Variants in TNS1 observed in about 807,000 individuals in gnomAD.
The protein encoded by TNS1 is tensin 1, also known as tensin-1.
A neutral mutation model predicts 168.6 loss-of-function variants in TNS1; 62 were observed. That is an observed-to-expected ratio of 0.37 (90% CI 0.30 to 0.45). The LOEUF (loss-of-function observed/expected upper bound fraction) is 0.45, where lower values mean the gene tolerates loss of function less well. Among genes scored for constraint, TNS1 ranks in the 20% least tolerant of loss-of-function variants. TNS1 has a pLI of 1.00. For missense variants in TNS1, 2,240 were observed against 2,339.4 expected (o/e 0.96, Z 0.88); for synonymous variants, 934 against 933.2 (o/e 1.00, Z -0.02).
chr2:217,836,855 C>T (rs1263610652), intron 19 of TNS1, among the ~76,000 whole-genome samples: 1 of 152,074 alleles, frequency 6.6e-6, no homozygotes, highest in Admixed American at 6.5e-5. Context: ...CCAAAGATAG[C>T]GGCGGATCCC....
At chr2:217,836,355 C>G (rs1945177096) in intron 19 of TNS1, 144 bp from the exon 20 acceptor site, 1 of 789,162 alleles carries the variant, frequency 1.3e-6, no homozygotes, top group African/African-American at 1.7e-5. Flanking sequence ...GTCTTCCCCT[C>G]AGCCCTCCTG....
At chr2:217,849,535 G>T in intron 18 of TNS1, 1 of 516,336 alleles carries the variant, frequency 1.9e-6, no homozygotes, top group Non-Finnish European at 2.5e-6. Context: ...CACATGACAT[G>T]CTGAGACCAG....
At chr2:217,851,527 T>A (rs557225475) in intron 18 of TNS1, among the ~76,000 whole-genome samples, 1 of 152,050 alleles carries the variant, frequency 6.6e-6, no homozygotes, top group East Asian at 1.9e-4. Context: ...TCCACCCCTC[T>A]GCCCCCAGTT....
At chr2:218,013,900 C>T (rs1332562330), upstream of TNS1, among the ~76,000 whole-genome samples, 1 of 152,190 alleles carries the variant, frequency 6.6e-6, no homozygotes, top group Non-Finnish European at 1.5e-5. Flanking sequence ...TGTTTGCAGA[C>T]AGTGTCTTCT....
intron 4 of TNS1, among the ~76,000 whole-genome samples, chr2:217,908,088 T>C (rs1953923155): frequency 6.6e-6 from 1 of 152,186 alleles, no homozygotes. Context: ...TGATTCTTAT[T>C]CCACCTTCAT....
intron 3 of TNS1, among the ~76,000 whole-genome samples, chr2:217,946,969 T>TCACA (rs372012573): frequency 2.1e-3 from 255 of 118,840 alleles, no homozygotes; most frequent in East Asian, 0.012. Context: ...TCTCTCTCTC[T>TCACA]CACACACACA....
At chr2:217,806,711 C>A (rs1363832277) in intron 32 of TNS1, among the ~76,000 whole-genome samples, 1 of 152,234 alleles carries the variant, frequency 6.6e-6, no homozygotes, top group Non-Finnish European at 1.5e-5. Flanking sequence ...CCTAAGCTAC[C>A]ATCACTGACC....
chr2:217,805,573 ACC>A (rs1938668214), intron 32 of TNS1, among the ~76,000 whole-genome samples: 1 of 336 alleles, frequency 3.0e-3, no homozygotes. Context: ...CACCACACAC[ACC>A]ACACACACAA....
intron 3 of TNS1, among the ~76,000 whole-genome samples, chr2:217,931,432 G>T (rs1396508102): frequency 6.6e-6 from 1 of 152,224 alleles, no homozygotes; most frequent in Admixed American, 6.5e-5. Context: ...GCAGTGCTGA[G>T]GACCATGCCA....
chr2:217,853,437 T>A (rs989498221), intron 18 of TNS1, among the ~76,000 whole-genome samples: 1 of 152,038 alleles, frequency 6.6e-6, no homozygotes, highest in Non-Finnish European at 1.5e-5. Context: ...GGGGTCTGCA[T>A]GTTTGGGGGC....
At chr2:217,810,046 T>C in intron 29 of TNS1, 55 bp from the exon 30 acceptor site, 1 of 1,579,652 alleles carries the variant, frequency 6.3e-7, no homozygotes, top group Non-Finnish European at 8.7e-7. Context: ...GTGAGGACAT[T>C]AACCCAGATC....
chr2:217,979,082 G>C lies in TNS1; in HGVS notation c.149-280C>G, dbSNP rs111487412. On this transcript the variant is annotated intron_variant, in intron 2 of 32. Coordinates refer to ENST00000682258, the MANE Select transcript of TNS1 (RefSeq NM_001387777.1). ...GTGCGGGAAGGTGGGGGGAGCAAAG[G>C]GGGGGGTCCCCCACTGGACCCCTGC... is the stretch of plus-strand genomic sequence containing the variant. The C allele has an allele frequency of 7.6e-3, 3,354 of 443,946 alleles. 118 individuals are homozygous for C. Among genetic ancestry groups the C allele is most frequent in the African/African-American group, 0.064 (3,073 of 48,266 alleles). 27.5% of individuals were successfully genotyped at this position (443,946 alleles called of 1,614,324 possible). A position where few individuals can be genotyped will look rare whatever the true frequency, so the allele number is the denominator to read the frequency against.
At chr2:217,815,054 A>G (rs1941669149) in intron 24 of TNS1, 56 bp from the exon 25 acceptor site, 4 of 1,441,304 alleles carry the variant, frequency 2.8e-6, no homozygotes, top group Non-Finnish European at 3.9e-6. Context: ...CACCCAAAAC[A>G]TACATCAAAG....
intron 22 of TNS1, among the ~76,000 whole-genome samples, chr2:217,827,165 A>C (rs1016402973): frequency 6.6e-6 from 1 of 152,100 alleles, no homozygotes; most frequent in African/African-American, 2.4e-5. Flanking sequence ...GCCTTAACAC[A>C]TCCTTATATT....
chr2:218,030,176 C>T (rs929091788), intron 1 of TNS1, among the ~76,000 whole-genome samples: 2 of 152,142 alleles, frequency 1.3e-5, no homozygotes, highest in Non-Finnish European at 2.9e-5. Flanking sequence ...CTAGGGCTCC[C>T]GGGGAGCCAG....
chr2:217,960,298 G>A (rs1460839482), intron 3 of TNS1, among the ~76,000 whole-genome samples: 1 of 152,108 alleles, frequency 6.6e-6, no homozygotes, highest in Non-Finnish European at 1.5e-5. Flanking sequence ...TGAGGCTGGG[G>A]GTGGTCAAGT....
At chr2:218,000,747 C>T (rs1434147994) in intron 1 of TNS1, among the ~76,000 whole-genome samples, 2 of 152,196 alleles carry the variant, frequency 1.3e-5, no homozygotes, top group Non-Finnish European at 2.9e-5. Context: ...CCCTACTGCC[C>T]CAGTCTCTGG....
At position 217,955,976 on chromosome 2, in the gene TNS1, G is replaced by A. The variant is rs145672528; in HGVS notation, c.186+22789C>T. Among the ~76,000 whole-genome samples, 1,351 of 152,218 alleles carry A rather than the reference G, an allele frequency of 8.9e-3. 18 individuals are homozygous for A. The highest frequency in any genetic ancestry group is 0.022 in the South Asian group (107 of 4,820). ...TGGGGGTTGTTCTGGGGCCTCTGCA[G>A]CTGCCTTGAAGTGGGAGGGGTGTCC... On this transcript the variant is annotated intron_variant, in intron 3 of 32. Transcript: ENST00000682258.
At chr2:217,965,100 C>T (rs531456243) in intron 3 of TNS1, among the ~76,000 whole-genome samples, 5 of 152,302 alleles carry the variant, frequency 3.3e-5, no homozygotes, top group South Asian at 4.1e-4. Flanking sequence ...GTTAAGGGAA[C>T]GCGAACCACA....
Sources: allele counts gnomAD v4.1 joint callset (sites outside exome capture counted in the v4.1 genomes callset), GRCh38; gene constraint gnomAD v4.1.1; transcripts MANE v1.5; gene names NCBI Gene and HGNC (gene_info 2026-07-23, HGNC 2026-07-21).